CTBP1: variants seen among roughly 807,000 people sequenced by gnomAD.
CTBP1 encodes C-terminal-binding protein 1.
In CTBP1, 11 loss-of-function variants were observed where a neutral mutation model predicts 42.1. The observed-to-expected ratio is 0.26, with a 90% CI of 0.16 to 0.43. The LOEUF is 0.43. Ranked by LOEUF, CTBP1 falls within the 20% of genes least tolerant of loss-of-function variation. The pLI, the probability that CTBP1 is intolerant of heterozygous loss-of-function variation, is 1.00. For synonymous variants in CTBP1, 324 were observed against 277.1 expected, an observed-to-expected ratio of 1.17 and a Z score of -1.68; for missense variants, 399 against 624.3, an observed-to-expected ratio of 0.64 and a Z score of 3.85.
At chr4:1,213,415 C>T in intron 8 of CTBP1, 63 bp downstream of exon 8, 1 of 1,595,944 alleles carries the variant, frequency 6.3e-7, no homozygotes, top group East Asian at 2.2e-5. Context: ...GATGCGAGCC[C>T]ATGAGCATCT....
chr4:1,240,903 C>T (rs1372859844), intron 2 of CTBP1, among the ~76,000 whole-genome samples: 1 of 152,232 alleles, frequency 6.6e-6, no homozygotes, highest in East Asian at 1.9e-4. Context: ...GCACGCACTT[C>T]CGGGCCAGAG....
rs953735629 is a variant in CTBP1 at position 1,242,829 on chromosome 4, C to A, written c.-188-1310G>T. 7.5e-5 allele frequency: 74 copies of A among 985,316 alleles called. No homozygotes were observed. In the South Asian group the frequency reaches 1.9e-3, roughly 26 times the overall value. The allele number at this position is 985,316 out of a possible 1,614,324, so 61.0% of individuals were successfully genotyped here. A position where few individuals can be genotyped will look rare whatever the true frequency, so the allele number is the denominator to read the frequency against. On this transcript the variant is annotated intron_variant, in intron 1 of 9. Coordinates refer to ENST00000382952, the MANE Select transcript of CTBP1 (RefSeq NM_001012614.2). ...AACTAAAAGGACAGGAGAAAACCGCCTAAATGTCACATTTCACCCACGAGC... is the reference window on the plus strand; with the variant it reads ...AACTAAAAGGACAGGAGAAAACCGCATAAATGTCACATTTCACCCACGAGC...
intron 3 of CTBP1, chr4:1,237,258 T>G: frequency 3.0e-6 from 2 of 664,998 alleles, no homozygotes; most frequent in East Asian, 5.6e-5. Flanking sequence ...ACAAACCGAG[T>G]GTCCACCTCC....
chr4:1,245,166 G>A (rs930246229), intron 1 of CTBP1: 50 of 985,322 alleles, frequency 5.1e-5, no homozygotes, highest in African/African-American at 2.1e-4. Context: ...CACCTTGGAC[G>A]GCAGCATCCC....
chr4:1,216,069 G>A lies in CTBP1; in HGVS notation c.651C>T (p.Phe217=). 1 of 1,611,692 alleles carries A rather than the reference G, an allele frequency of 6.2e-7. No individual in the cohort carries two copies. Among genetic ancestry groups the A allele is most frequent in the Non-Finnish European group, 8.5e-7 (1 of 1,179,918 alleles). Residue 217 remains phenylalanine (F), a synonymous_variant, in exon 6 of 10, where the codon TTC becomes TTT. Transcript: ENST00000382952. ...AGTGCAGGGTCACGCAGTCGCTGTG[G>A]AAGAGCAGGTCCTGCAGGGTGCTGA... ...QRVSTLQDLL[F]HSDCVTLHCG... is the part of the protein sequence containing the mutation.
At chr4:1,224,832 G>T (rs932889125) in intron 5 of CTBP1, among the ~76,000 whole-genome samples, 1 of 151,160 alleles carries the variant, frequency 6.6e-6, no homozygotes, top group Non-Finnish European at 1.5e-5. Flanking sequence ...CATGTATACT[G>T]TGATGTCTGT....
intron 5 of CTBP1, chr4:1,221,662 C>G: frequency 3.6e-6 from 1 of 276,966 alleles, no homozygotes; most frequent in Non-Finnish European, 7.3e-6. Flanking sequence ...GATCCCACCT[C>G]GGCACAGCTG....
rs369810665 is a variant in CTBP1 at position 1,235,358 on chromosome 4, C to T, written c.162+2825G>A. 119 of 152,330 alleles carry T rather than the reference C, an allele frequency of 7.8e-4. No individual in the cohort carries two copies. The highest frequency in any genetic ancestry group is 1.1e-3 in the Non-Finnish European group (75 of 68,040). 9.4% of individuals were successfully genotyped at this position (152,330 alleles called of 1,614,324 possible). ...CAGCAGACGCTCCCGGCAGACCACGCGCATTTTTAACATCAGATTTTCTTC... is the reference window on the plus strand; with the variant it reads ...CAGCAGACGCTCCCGGCAGACCACGTGCATTTTTAACATCAGATTTTCTTC... On this transcript the variant is annotated intron_variant, in intron 3 of 9. Coordinates refer to ENST00000382952, the MANE Select transcript of CTBP1 (RefSeq NM_001012614.2). This position sits in a 1 kb window ranked among gnomAD's most constrained non-coding sequence, Gnocchi z 4.2.
chr4:1,246,328 C>G (rs1560289006), intron 1 of CTBP1, among the ~76,000 whole-genome samples: 1 of 152,200 alleles, frequency 6.6e-6, no homozygotes. Context: ...AACCACAGAA[C>G]CCGTATGACA....
chr4:1,212,523 G>A, intron 9 of CTBP1, 100 bp from the exon 10 acceptor site: 2 of 1,050,622 alleles, frequency 1.9e-6, no homozygotes, highest in Non-Finnish European at 2.6e-6. Context: ...GCCTCTCCAG[G>A]AGGACCAGCA....
chr4:1,237,254 C>T (rs1010249421), intron 3 of CTBP1: 6 of 669,930 alleles, frequency 9.0e-6, no homozygotes, highest in Non-Finnish European at 1.4e-5. Context: ...CAGGACAAAC[C>T]GAGTGTCCAC....
intron 5 of CTBP1, among the ~76,000 whole-genome samples, chr4:1,219,432 G>C (rs1729496627): frequency 6.6e-6 from 1 of 152,130 alleles, no homozygotes; most frequent in African/African-American, 2.4e-5. Flanking sequence ...CTGATCAAAA[G>C]AGCTGGGATG....
chr4:1,241,629 G>A (rs1040397321), intron 1 of CTBP1, 110 bp from the exon 2 acceptor site: 84 of 1,406,506 alleles, frequency 6.0e-5, no homozygotes, highest in Admixed American at 2.8e-4. Flanking sequence ...TGCCACACCC[G>A]GGACTGCTGT....
chr4:1,230,126 C>T (rs896563419), intron 3 of CTBP1, among the ~76,000 whole-genome samples: 30 of 151,910 alleles, frequency 2.0e-4, no homozygotes, highest in East Asian at 7.7e-4. Context: ...GTGCACCAGA[C>T]GCAGTGTGGA....
Position 1,233,866 on chromosome 4 carries a change from G to A in CTBP1, c.162+4317C>T, listed in dbSNP as rs1175329339. Among the ~76,000 whole-genome samples, 2 of 152,346 alleles carry A rather than the reference G, an allele frequency of 1.3e-5. No individual in the cohort carries two copies. Among genetic ancestry groups the A allele is most frequent in the African/African-American group, 2.4e-5 (1 of 41,582 alleles). ...TTCCTGACTAACAGTGGCACACAAAGCAGGTGTTCAGTTTCCTCCCACGCC... is the reference window on the plus strand; with the variant it reads ...TTCCTGACTAACAGTGGCACACAAAACAGGTGTTCAGTTTCCTCCCACGCC... On this transcript the variant is annotated intron_variant, in intron 3 of 9. Coordinates refer to ENST00000382952, the MANE Select transcript of CTBP1 (RefSeq NM_001012614.2). This position sits in a 1 kb window ranked among gnomAD's most constrained non-coding sequence, Gnocchi z 4.6.
At chr4:1,214,991 C>T (rs1728955677) in intron 6 of CTBP1, among the ~76,000 whole-genome samples, 1 of 152,224 alleles carries the variant, frequency 6.6e-6, no homozygotes, top group Non-Finnish European at 1.5e-5. Context: ...GGGTGGCTCT[C>T]CCTCGGCTTC....
intron 1 of CTBP1, chr4:1,243,980 C>T (rs993720937): frequency 5.1e-6 from 5 of 985,162 alleles, no homozygotes; most frequent in Non-Finnish European, 6.0e-6. Flanking sequence ...GAAGCTTGTG[C>T]TTCCTATTTT....
chr4:1,231,615 G>A (rs1033127879), intron 3 of CTBP1, among the ~76,000 whole-genome samples: 1 of 152,246 alleles, frequency 6.6e-6, no homozygotes, highest in South Asian at 2.1e-4. Flanking sequence ...TCTGTGCTCA[G>A]GACTCGACGT....
intron 1 of CTBP1, chr4:1,241,994 G>A (rs987051688): frequency 3.4e-5 from 34 of 1,003,216 alleles, no homozygotes; most frequent in East Asian, 2.1e-4. Flanking sequence ...AGGAGCCACC[G>A]GGAGAGGTGC....
Sources: allele counts gnomAD v4.1 joint callset (sites outside exome capture counted in the v4.1 genomes callset), GRCh38; gene constraint gnomAD v4.1.1; non-coding constraint Gnocchi (gnomAD v3.1); transcripts MANE v1.5; gene names NCBI Gene and HGNC (gene_info 2026-07-23, HGNC 2026-07-21).